The following WNT3A variants were observed in gnomAD, a reference collection of about 807,000 sequenced individuals.
WNT3A encodes protein Wnt-3a.
A neutral mutation model predicts 37.0 loss-of-function variants in WNT3A; 17 were observed. The ratio of observed to expected loss-of-function variants is 0.46; its 90% CI spans 0.31 to 0.69. The LOEUF is 0.69. Among genes scored for constraint, WNT3A ranks in the 30% least tolerant of loss-of-function variants. WNT3A has a pLI of 0.05. For missense variants in WNT3A, 411 were observed against 510.2 expected (o/e 0.81, Z 1.87); for synonymous variants, 187 against 211.0 (o/e 0.89, Z 0.99).
rs2031159507 is a variant in WNT3A, at chr1:228,037,006, G to T, written c.314-13650G>T. Among the ~76,000 whole-genome samples, 1 of 152,138 alleles carries T rather than the reference G, an allele frequency of 6.6e-6. No individual in the cohort carries two copies. Among genetic ancestry groups the T allele is most frequent in the East Asian group, 1.9e-4 (1 of 5,178 alleles). ...GCTCGGTGCCCTCTAACATGGGCTG[G>T]GCCCAGGAGTCCCCCCGGGCCCTGG... On this transcript the variant is annotated intron_variant, in intron 2 of 3. Transcript: ENST00000284523. This position sits in a 1 kb window ranked among gnomAD's most constrained non-coding sequence, Gnocchi z 4.1.
intron 3 of WNT3A, among the ~76,000 whole-genome samples, chr1:228,053,679 A>G (rs1029712894): frequency 1.3e-5 from 2 of 152,182 alleles, no homozygotes; most frequent in African/African-American, 4.8e-5. Context: ...AAAAATTAAA[A>G]GCCATGTTAT....
At chr1:228,056,041 G>A (rs2031678832) in intron 3 of WNT3A, among the ~76,000 whole-genome samples, 1 of 152,198 alleles carries the variant, frequency 6.6e-6, no homozygotes, top group Non-Finnish European at 1.5e-5. Flanking sequence ...CAAGAGGATG[G>A]AAGATTCTGC....
intron 1 of WNT3A, among the ~76,000 whole-genome samples, chr1:228,011,895 G>C (rs1187029292): frequency 6.6e-6 from 1 of 152,168 alleles, no homozygotes; most frequent in Non-Finnish European, 1.5e-5. Context: ...CCAGACATTG[G>C]CCCTGCATAA....
chr1:228,057,110 G>T (rs927906499), intron 3 of WNT3A, among the ~76,000 whole-genome samples: 1 of 152,228 alleles, frequency 6.6e-6, no homozygotes, highest in African/African-American at 2.4e-5. Context: ...GGCTGAATCA[G>T]TTACAGGTAC....
chr1:228,010,535 G>A (rs983425771), intron 1 of WNT3A, among the ~76,000 whole-genome samples: 1 of 152,154 alleles, frequency 6.6e-6, no homozygotes. Flanking sequence ...CCTGGCCATA[G>A]CCACCGTCGC....
rs1019829913 is a variant in WNT3A at position 228,007,758 on chromosome 1, C to A, written c.71+559C>A. ...GGCGGCGGGGCGCACTGGGGGCCGGCCCTGGGCCCCGCGCGCCTCCCCGCC... is the reference window on the plus strand; with the variant it reads ...GGCGGCGGGGCGCACTGGGGGCCGGACCTGGGCCCCGCGCGCCTCCCCGCC... On this transcript the variant is annotated intron_variant, in intron 1 of 3. Transcript: ENST00000284523. The surrounding 1 kb of genome is among the most constrained non-coding windows in gnomAD (Gnocchi z 6.0). Among the ~76,000 whole-genome samples the A allele has an allele frequency of 6.6e-6, 1 of 151,952 alleles. No homozygotes were observed. The highest frequency in any genetic ancestry group is 2.4e-5 in the African/African-American group (1 of 41,414).
intron 1 of WNT3A, among the ~76,000 whole-genome samples, chr1:228,015,187 TGA>T (rs1194117771): frequency 1.3e-5 from 2 of 152,260 alleles, no homozygotes; most frequent in Non-Finnish European, 2.9e-5. Flanking sequence ...GCCTTCTGGA[TGA>T]TCACACGATG....
chr1:228,036,183 G>A (rs1488056255), intron 2 of WNT3A, among the ~76,000 whole-genome samples: 1 of 152,196 alleles, frequency 6.6e-6, no homozygotes, highest in Non-Finnish European at 1.5e-5. Context: ...CAGGGTGCCT[G>A]ACCACCCCTG....
intron 2 of WNT3A, among the ~76,000 whole-genome samples, chr1:228,026,716 G>A (rs1558287551): frequency 6.6e-6 from 1 of 152,222 alleles, no homozygotes; most frequent in East Asian, 1.9e-4. Context: ...TAGGATATTG[G>A]TTTTCCACTC....
chr1:228,015,148 A>G (rs950616803), intron 1 of WNT3A, among the ~76,000 whole-genome samples: 2 of 152,162 alleles, frequency 1.3e-5, no homozygotes, highest in Non-Finnish European at 2.9e-5. Context: ...GTTTTTGAAA[A>G]CTCACTAAGC....
chr1:228,052,858 A>C (rs2031587388), intron 3 of WNT3A, among the ~76,000 whole-genome samples: 1 of 152,334 alleles, frequency 6.6e-6, no homozygotes, highest in South Asian at 2.1e-4. Flanking sequence ...GCTTTTCAAT[A>C]AATGGTGCTC....
At chr1:228,032,542 A>G (rs954678914) in intron 2 of WNT3A, among the ~76,000 whole-genome samples, 1 of 152,174 alleles carries the variant, frequency 6.6e-6, no homozygotes, top group Non-Finnish European at 1.5e-5. Flanking sequence ...CTTCCCTTTT[A>G]TGGCTGAGTA....
intron 2 of WNT3A, among the ~76,000 whole-genome samples, chr1:228,041,172 C>G (rs182378175): frequency 6.6e-6 from 1 of 151,940 alleles, no homozygotes; most frequent in Non-Finnish European, 1.5e-5. Flanking sequence ...AACCTAGAAA[C>G]GAAGGATTTG....
In WNT3A at chr1:228,061,233, T is replaced by C. The variant is rs1028277158; in HGVS notation, c.*1768T>C. ...GCGTTTTTGGTTTTAATGTTATATC[T>C]GATGCTGCTATATCCACTGTCCAAC... On this transcript the variant is annotated 3_prime_UTR_variant, in exon 4 of 4. Coordinates refer to ENST00000284523, the MANE Select transcript of WNT3A (RefSeq NM_033131.4). The C allele has an allele frequency of 1.3e-5, 2 of 152,682 alleles. No homozygotes were observed. Among genetic ancestry groups the C allele is most frequent in the African/African-American group, 4.8e-5 (2 of 41,478 alleles). The allele number at this position is 152,682 out of a possible 1,614,324, so 9.5% of individuals were successfully genotyped here. A position where few individuals can be genotyped will look rare whatever the true frequency, so the allele number is the denominator to read the frequency against.
chr1:228,022,938 G>A (rs758151400), intron 2 of WNT3A, 30 bp downstream of exon 2: 14 of 1,576,078 alleles, frequency 8.9e-6, no homozygotes, highest in Non-Finnish European at 1.2e-5. Context: ...GAGGGCAGAT[G>A]AGTCTGGAGT....
Position 228,007,834 on chromosome 1 carries a change from T to C in WNT3A, c.71+635T>C, listed in dbSNP as rs2030247942. 6.6e-6 allele frequency among the ~76,000 whole-genome samples: 1 copy of C among 151,658 alleles called. No homozygotes were observed. Among genetic ancestry groups the C allele is most frequent in the South Asian group, 2.1e-4 (1 of 4,764 alleles). ...GGGCCCTCTCTGCGAGCCCTCCGCA[T>C]GGGTCCACCTGGCAATGAGGGGCTG... is the stretch of plus-strand genomic sequence containing the variant. On this transcript the variant is annotated intron_variant, in intron 1 of 3. Transcript: ENST00000284523. The surrounding 1 kb of genome is among the most constrained non-coding windows in gnomAD (Gnocchi z 6.0).
At position 228,049,792 on chromosome 1, in the gene WNT3A, G is replaced by A. The variant is rs370021170; in HGVS notation, c.314-864G>A. Among the ~76,000 whole-genome samples, 30 of 152,210 alleles carry A rather than the reference G, an allele frequency of 2.0e-4. No individual in the cohort carries two copies. In the South Asian group the frequency reaches 3.3e-3, roughly 17 times the overall value. On this transcript the variant is annotated intron_variant, in intron 2 of 3. Transcript: ENST00000284523. Reference sequence around the variant, plus strand: ...CCAGGTGCATGCTGGCCTTCCTTGTGCCTTTTTTTTAAAGACAGGGTCTTG... The same window carrying A: ...CCAGGTGCATGCTGGCCTTCCTTGTACCTTTTTTTTAAAGACAGGGTCTTG...
At chr1:228,055,436 A>G (rs2031665288) in intron 3 of WNT3A, among the ~76,000 whole-genome samples, 1 of 151,554 alleles carries the variant, frequency 6.6e-6, no homozygotes, top group Non-Finnish European at 1.5e-5. Flanking sequence ...GTAATAGTAG[A>G]TATAGATGAT....
chr1:228,036,245 G>T (rs1019467490), intron 2 of WNT3A, among the ~76,000 whole-genome samples: 1 of 152,240 alleles, frequency 6.6e-6, no homozygotes, highest in African/African-American at 2.4e-5. Context: ...GCTGTGAAGA[G>T]AGGGGCCCAG....
Sources: gnomAD v4.1 joint callset for allele counts (sites outside exome capture counted in the v4.1 genomes callset) on GRCh38, gnomAD v4.1.1 for gene constraint, Gnocchi (gnomAD v3.1) non-coding constraint, MANE v1.5 for transcripts, NCBI Gene and HGNC (gene_info 2026-07-23, HGNC 2026-07-21) for gene names.